The following ABCB1 variants were observed in gnomAD, a reference collection of about 807,000 sequenced individuals.
The protein encoded by ABCB1 is ATP binding cassette subfamily B member 1.
Under a neutral mutation model 142.0 loss-of-function variants are expected in ABCB1, and 69 were observed. The observed-to-expected ratio is 0.49, with a 90% CI of 0.40 to 0.59. The LOEUF (loss-of-function observed/expected upper bound fraction) is 0.59, where lower values mean the gene tolerates loss of function less well. ABCB1 is among the 20% of genes least tolerant of loss of function. The probability of loss-of-function intolerance (pLI) is 0.00; values close to 1 mark genes in which losing one functional copy is unlikely to be tolerated. For synonymous variants in ABCB1, 532 were observed against 539.2 expected, an observed-to-expected ratio of 0.99 and a Z score of 0.18; for missense variants, 1,326 against 1,554.7, an observed-to-expected ratio of 0.85 and a Z score of 2.47.
Position 87,672,288 on chromosome 7 carries a change from A to G in ABCB1, c.-331+40873T>C, listed in dbSNP as rs549376713. 5.9e-5 allele frequency among the ~76,000 whole-genome samples: 9 copies of G among 152,320 alleles called. No individual in the cohort carries two copies. The East Asian group carries it at 7.7e-4, about 13-fold the overall frequency. On this transcript the variant is annotated intron_variant, in intron 1 of 28. Coordinates refer to the ABCB1 transcript ENST00000265724. ...CACATTTTGGTAGAGCAGTTGTGCTATGCTGGGGGATCCTTTCCACCTCTG... is the reference window on the plus strand; with the variant it reads ...CACATTTTGGTAGAGCAGTTGTGCTGTGCTGGGGGATCCTTTCCACCTCTG...
chr7:87,710,410 C>A (rs772507598), intron 1 of ABCB1, among the ~76,000 whole-genome samples: 52 of 152,112 alleles, frequency 3.4e-4, no homozygotes, highest in Non-Finnish European at 6.3e-4. Context: ...TCTAGATAAT[C>A]AAAATTTACC....
rs191673960 is a variant in ABCB1 at position 87,570,243 on chromosome 7, A to G, written c.287-20T>C. On this transcript the variant is annotated intron_variant, in intron 4 of 27. Coordinates refer to ENST00000622132, the MANE Select transcript of ABCB1 (RefSeq NM_001348946.2). The stretch of plus-strand genomic sequence containing the variant: ...TATCACCTAGACCACCACAAAACAA[A>G]CATACCATTTATGTCTCTTTAGTCT... The G allele has an allele frequency of 3.7e-6, 6 of 1,606,756 alleles. No individual in the cohort carries two copies. The East Asian group carries it at 1.3e-4, about 36-fold the overall frequency.
At chr7:87,584,640 C>T (rs928616240) in intron 4 of ABCB1, among the ~76,000 whole-genome samples, 1 of 152,144 alleles carries the variant, frequency 6.6e-6, no homozygotes, top group African/African-American at 2.4e-5. Flanking sequence ...AGCTGTGTTA[C>T]ATCTGTTTTC....
chr7:87,541,333 TA>T (rs768084795), intron 18 of ABCB1, 23 bp downstream of exon 18: 1 of 1,380,266 alleles, frequency 7.2e-7, no homozygotes, highest in Non-Finnish European at 1.0e-6. Flanking sequence ...TCAAAATGAA[TA>T]TAGTGAAAAT....
At chr7:87,573,045 T>C (rs1818118055) in intron 4 of ABCB1, among the ~76,000 whole-genome samples, 1 of 152,152 alleles carries the variant, frequency 6.6e-6, no homozygotes, top group Non-Finnish European at 1.5e-5. Flanking sequence ...ATGCTGCTGA[T>C]AAAAACATAC....
intron 4 of ABCB1, among the ~76,000 whole-genome samples, chr7:87,580,371 G>A (rs1166838567): frequency 6.6e-6 from 1 of 152,102 alleles, no homozygotes; most frequent in Non-Finnish European, 1.5e-5. Flanking sequence ...AATATGTCAC[G>A]CTACTCTCTT....
intron 9 of ABCB1, among the ~76,000 whole-genome samples, chr7:87,553,167 A>G (rs1245511560): frequency 6.6e-6 from 1 of 152,210 alleles, no homozygotes; most frequent in African/African-American, 2.4e-5. Context: ...AGTTTGGCAC[A>G]AATAATCTCA....
chr7:87,610,948 G>A (rs1403215672), intron 1 of ABCB1, among the ~76,000 whole-genome samples: 9 of 152,118 alleles, frequency 5.9e-5, no homozygotes, highest in Admixed American at 1.3e-4. Flanking sequence ...TGAATCCAGC[G>A]TCTTCTCAAC....
intron 1 of ABCB1, among the ~76,000 whole-genome samples, chr7:87,689,492 G>T (rs563554741): frequency 6.6e-6 from 1 of 151,700 alleles, no homozygotes; most frequent in Admixed American, 6.6e-5. Flanking sequence ...GCTTTATTGC[G>T]CTAATATTTA....
At chr7:87,657,589 C>G (rs976920617) in intron 1 of ABCB1, among the ~76,000 whole-genome samples, 5 of 152,152 alleles carry the variant, frequency 3.3e-5, no homozygotes, top group African/African-American at 9.7e-5. Context: ...CCCAACACCC[C>G]CCTTCCCACA....
chr7:87,623,749 GT>G (rs1335394368), intron 1 of ABCB1, among the ~76,000 whole-genome samples: 10 of 150,306 alleles, frequency 6.7e-5, no homozygotes, highest in African/African-American at 9.8e-5. Context: ...GCTTCTGATA[GT>G]TTTTTTTTCT....
chr7:87,503,954 T>G lies in ABCB1; in HGVS notation c.*289A>C. The G allele has an allele frequency of 2.2e-6, 1 of 449,448 alleles. No individual in the cohort carries two copies. Among genetic ancestry groups the G allele is most frequent in the Non-Finnish European group, 4.0e-6 (1 of 247,794 alleles). 27.8% of individuals were successfully genotyped at this position (449,448 alleles called of 1,614,324 possible). ...ATAATCTTTTAGCAAGGCAGTCAGT[T>G]ACAGTCCAAATGGGAAAATATAAAC... On this transcript the variant is annotated 3_prime_UTR_variant, in exon 28 of 28. Transcript: ENST00000622132.
At chr7:87,506,145 T>G (rs969549389) in intron 26 of ABCB1, 102 bp from the exon 27 acceptor site, 1 of 1,243,626 alleles carries the variant, frequency 8.0e-7, no homozygotes, top group African/African-American at 1.5e-5. Flanking sequence ...CTCCAAAAAT[T>G]TAGGTTCAGA....
Position 87,553,800 on chromosome 7 carries a change from C to A in ABCB1, c.960G>T (p.Leu320Phe). The A allele has an allele frequency of 6.2e-6, 10 of 1,614,074 alleles. No individual in the cohort carries two copies. The highest frequency in any genetic ancestry group is 8.5e-6 in the Non-Finnish European group (10 of 1,180,000). Residue 320 changes from leucine (L) to phenylalanine (F), a missense_variant, in exon 9 of 28, where the codon TTG becomes TTT. By Grantham distance (22) the Leu-to-Phe change is conservative. Coordinates refer to ENST00000622132, the MANE Select transcript of ABCB1 (RefSeq NM_001348946.2). Reference protein sequence around the residue: ...YALAFWYGTTLVLSGEYSIGQ... With the variant: ...YALAFWYGTTFVLSGEYSIGQ... ...CAATAGAATATTCCCCTGAGAGGAC[C>A]AAGGTGGTCCCATACCAGAAGGCCA...
At chr7:87,546,613 C>G (rs2129680754) in intron 14 of ABCB1, among the ~76,000 whole-genome samples, 1 of 150,926 alleles carries the variant, frequency 6.6e-6, no homozygotes, top group East Asian at 1.9e-4. Context: ...TACAAACCAA[C>G]AAATTCCTAC....
At chr7:87,683,922 T>A (rs1301213447) in intron 1 of ABCB1, among the ~76,000 whole-genome samples, 1 of 152,198 alleles carries the variant, frequency 6.6e-6, no homozygotes, top group South Asian at 2.1e-4. Context: ...GTACACCTCA[T>A]GGACACAGAC....
intron 1 of ABCB1, among the ~76,000 whole-genome samples, chr7:87,600,431 A>C (rs1584914782): frequency 6.6e-6 from 1 of 152,188 alleles, no homozygotes; most frequent in Non-Finnish European, 1.5e-5. Context: ...GCCCGCCGCC[A>C]GTGCGATTCT....
At chr7:87,546,478 C>T (rs1229571432) in intron 14 of ABCB1, among the ~76,000 whole-genome samples, 3 of 151,574 alleles carry the variant, frequency 2.0e-5, no homozygotes, top group Non-Finnish European at 4.4e-5. Flanking sequence ...GTCCCCGCTA[C>T]TTGGGAGGTG....
intron 4 of ABCB1, among the ~76,000 whole-genome samples, chr7:87,576,848 T>C: frequency 6.6e-6 from 1 of 152,150 alleles, no homozygotes. Context: ...CAATGGATAA[T>C]AATCACATTA....
Sources: allele counts gnomAD v4.1 joint callset (sites outside exome capture counted in the v4.1 genomes callset), GRCh38; gene constraint gnomAD v4.1.1; transcripts MANE v1.5; gene names NCBI Gene and HGNC (gene_info 2026-07-23, HGNC 2026-07-21).